Variants in ITPR2 observed in about 807,000 individuals in gnomAD.
The protein encoded by ITPR2 is inositol 1,4,5-trisphosphate-gated calcium channel ITPR2.
In ITPR2, 207 loss-of-function variants were observed where a neutral mutation model predicts 317.1. The observed-to-expected ratio is 0.65, with a 90% confidence interval of 0.58 to 0.73. The LOEUF (loss-of-function observed/expected upper bound fraction) is 0.73, where lower values mean the gene tolerates loss of function less well. Among genes scored for constraint, ITPR2 ranks in the 30% least tolerant of loss-of-function variants. The probability of loss-of-function intolerance (pLI) is 0.00; values close to 1 mark genes in which losing one functional copy is unlikely to be tolerated. For missense variants in ITPR2, 2,613 were observed against 3,284.0 expected (o/e 0.80, Z 4.99); for synonymous variants, 1,156 against 1,149.1 (o/e 1.01, Z -0.12).
intron 45 of ITPR2, among the ~76,000 whole-genome samples, chr12:26,468,568 G>GAAAAA (rs5797177): frequency 1.4e-5 from 2 of 139,890 alleles, no homozygotes; most frequent in Non-Finnish European, 3.1e-5. Context: ...TATAGAAACA[G>GAAAAA]AAAAAAAAAA....
At chr12:26,786,668 A>G (rs376461427) in intron 2 of ITPR2, among the ~76,000 whole-genome samples, 2 of 152,218 alleles carry the variant, frequency 1.3e-5, no homozygotes, top group African/African-American at 4.8e-5. Flanking sequence ...CAGTCAAAAG[A>G]ACATTTCACT....
At chr12:26,451,697 C>T (rs1198362915) in intron 45 of ITPR2, among the ~76,000 whole-genome samples, 2 of 152,096 alleles carry the variant, frequency 1.3e-5, no homozygotes, top group Non-Finnish European at 2.9e-5. Flanking sequence ...ATGATCTAGA[C>T]TCCTACTCAT....
chr12:26,360,287 G>A (rs567789266), intron 55 of ITPR2, among the ~76,000 whole-genome samples: 5 of 152,168 alleles, frequency 3.3e-5, no homozygotes, highest in South Asian at 2.1e-4. Flanking sequence ...TTCTCTTACC[G>A]GGGGGCTCAG....
intron 32 of ITPR2, among the ~76,000 whole-genome samples, chr12:26,583,397 A>G (rs923289681): frequency 1.3e-5 from 2 of 152,054 alleles, no homozygotes; most frequent in Admixed American, 1.3e-4. Context: ...GTCATTTCAT[A>G]TGTATTTTTG....
At chr12:26,353,743 G>A (rs192535249) in intron 55 of ITPR2, among the ~76,000 whole-genome samples, 213 of 152,278 alleles carry the variant, frequency 1.4e-3, no homozygotes, top group African/African-American at 4.9e-3. Context: ...GGATGTCACT[G>A]AAATTCCTCA....
intron 2 of ITPR2, among the ~76,000 whole-genome samples, chr12:26,781,230 G>A (rs1293569222): frequency 1.3e-5 from 2 of 152,226 alleles, no homozygotes; most frequent in Non-Finnish European, 2.9e-5. Flanking sequence ...GAAGGCAGAA[G>A]GAATATAGAA....
chr12:26,402,724 T>C (rs1940217317), intron 52 of ITPR2, among the ~76,000 whole-genome samples: 1 of 152,196 alleles, frequency 6.6e-6, no homozygotes, highest in Admixed American at 6.5e-5. Context: ...TTAATAAGGT[T>C]CTACCTTCGT....
intron 55 of ITPR2, among the ~76,000 whole-genome samples, chr12:26,344,093 C>T (rs895672642): frequency 6.6e-6 from 1 of 152,222 alleles, no homozygotes; most frequent in South Asian, 2.1e-4. Flanking sequence ...TCTCACTTTC[C>T]ATCCTATGAT....
chr12:26,657,833 T>A lies in ITPR2; in HGVS notation c.2066A>T (p.Asp689Val), dbSNP rs1422145473. ...CCAATAGAGCCAAACTTCTTCATCA[T>A]CAATGTCATCTGAAAGGATGGAGCT... The part of the protein sequence containing the change: ...MESSILSDDI[D>V]DEEVWLYWID... The change falls in exon 18 of 57, where the codon GAT becomes GTT. Residue 689 changes from aspartate (D) to valine (V), a missense_variant. Coordinates refer to ENST00000381340, the MANE Select transcript of ITPR2 (RefSeq NM_002223.4). The A allele has an allele frequency of 6.2e-7, 1 of 1,614,076 alleles. No homozygotes were observed. Among genetic ancestry groups the A allele is most frequent in the African/African-American group, 1.3e-5 (1 of 74,948 alleles).
rs1263215180 is a variant in ITPR2, at chr12:26,725,642, GTCCT to G, written c.279+4_279+7del. 1.3e-6 allele frequency: 2 copies of G among 1,591,946 alleles called. No individual in the cohort carries two copies. Among genetic ancestry groups the G allele is most frequent in the African/African-American group, 2.7e-5 (2 of 74,418 alleles). On this transcript the variant is annotated splice_donor_5th_base_variant and intron_variant, in intron 3 of 56. Coordinates refer to ENST00000381340, the MANE Select transcript of ITPR2 (RefSeq NM_002223.4). ...CCTAAGCCAGACAATTGGAATCCTG[GTCCT>G]TACCTGTAGTTTCTTCAGCAAGGCT...
intron 9 of ITPR2, among the ~76,000 whole-genome samples, chr12:26,710,946 C>T (rs1309389669): frequency 6.6e-6 from 1 of 152,156 alleles, no homozygotes; most frequent in African/African-American, 2.4e-5. Flanking sequence ...TCCAGTAAAA[C>T]AACTGCAGAG....
intron 2 of ITPR2, among the ~76,000 whole-genome samples, chr12:26,736,151 G>T (rs138015870): frequency 1.3e-4 from 20 of 152,136 alleles, no homozygotes; most frequent in Admixed American, 2.6e-4. Context: ...TTTGCGGGGT[G>T]GGGGGAGGTC....
At chr12:26,359,268 G>A (rs1001530972) in intron 55 of ITPR2, among the ~76,000 whole-genome samples, 1 of 152,192 alleles carries the variant, frequency 6.6e-6, no homozygotes, top group Non-Finnish European at 1.5e-5. Flanking sequence ...GAAATATTCA[G>A]GTACAAGGTA....
chr12:26,782,025 TATATATATGTATAGAGAGAG>T (rs1246722468), intron 2 of ITPR2, among the ~76,000 whole-genome samples: 2 of 27,374 alleles, frequency 7.3e-5, no homozygotes, highest in Non-Finnish European at 1.5e-4. Context: ...TATATATATA[TATATATATGTATAGAGAGAG>T]AGAGAGAGAG....
At chr12:26,424,586 G>GTTTTTTTTTTTTTTTTTTTTTTTTTTT (rs775756580) in intron 49 of ITPR2, among the ~76,000 whole-genome samples, 1 of 88,706 alleles carries the variant, frequency 1.1e-5, no homozygotes. Flanking sequence ...TTCGTTTTGT[G>GTTTTTTTTTTTTTTTTTTTTTTTTTTT]TTTTTTTTTT....
chr12:26,671,790 G>A (rs1947778796), intron 13 of ITPR2, among the ~76,000 whole-genome samples: 1 of 152,216 alleles, frequency 6.6e-6, no homozygotes, highest in Non-Finnish European at 1.5e-5. Context: ...TCAGTGTGCT[G>A]TATTCAGGCA....
At chr12:26,365,871 C>A (rs929450272) in intron 55 of ITPR2, among the ~76,000 whole-genome samples, 4 of 152,218 alleles carry the variant, frequency 2.6e-5, no homozygotes, top group African/African-American at 9.6e-5. Context: ...GAAACCATTT[C>A]TTTTTGAATA....
intron 25 of ITPR2, among the ~76,000 whole-genome samples, 160 bp downstream of exon 25, chr12:26,622,080 G>A (rs117157258): frequency 0.011 from 1,749 of 152,178 alleles, 28 homozygotes; most frequent in Middle Eastern, 0.024. Context: ...AATAGATCAC[G>A]TCCTGGCATA....
At chr12:26,380,128 C>G (rs1034484054) in intron 55 of ITPR2, among the ~76,000 whole-genome samples, 1 of 152,192 alleles carries the variant, frequency 6.6e-6, no homozygotes, top group Non-Finnish European at 1.5e-5. Flanking sequence ...TCACTTCCAG[C>G]ACCAAAGTCT....
Sources: gnomAD v4.1 joint callset for allele counts (sites outside exome capture counted in the v4.1 genomes callset) on GRCh38, gnomAD v4.1.1 for gene constraint, MANE v1.5 for transcripts, NCBI Gene and HGNC (gene_info 2026-07-23, HGNC 2026-07-21) for gene names.